The following ADGRA1 variants were observed in gnomAD, a reference collection of about 807,000 sequenced individuals.
The protein encoded by ADGRA1 is G-protein coupled receptor 123.
Under a neutral mutation model 21.3 loss-of-function variants are expected in ADGRA1, and 12 were observed. The observed-to-expected ratio is 0.56, with a 90% confidence interval of 0.36 to 0.91. The LOEUF (loss-of-function observed/expected upper bound fraction) is 0.91, where lower values mean the gene tolerates loss of function less well. Among genes scored for constraint, ADGRA1 ranks in the 40% least tolerant of loss-of-function variants. The pLI, the probability that ADGRA1 is intolerant of heterozygous loss-of-function variation, is 0.01. For synonymous variants in ADGRA1, 385 were observed against 368.8 expected, an observed-to-expected ratio of 1.04 and a Z score of -0.50; for missense variants, 790 against 805.6, an observed-to-expected ratio of 0.98 and a Z score of 0.23.
chr10:133,117,857 C>T (rs1174771178), intron 5 of ADGRA1, among the ~76,000 whole-genome samples: 1 of 152,228 alleles, frequency 6.6e-6, no homozygotes, highest in Non-Finnish European at 1.5e-5. Context: ...TCCCCTGTCA[C>T]CCTAGTTGCC....
chr10:133,131,084 G>C lies in ADGRA1; in HGVS notation c.*1573G>C, dbSNP rs1251865521. ...TCACCAGGAGCAGAGCCTCCCTAAC[G>C]TGCACCTCCGAGAAGAGGGGTGTCG... On this transcript the variant is annotated 3_prime_UTR_variant, in exon 7 of 7. Transcript: ENST00000392607. The C allele has an allele frequency of 6.6e-6, 1 of 152,184 alleles. No homozygotes were observed. The highest frequency in any genetic ancestry group is 2.1e-4 in the South Asian group (1 of 4,822). The allele number at this position is 152,184 out of a possible 1,614,324, so 9.4% of individuals were successfully genotyped here. A position where few individuals can be genotyped will look rare whatever the true frequency, so the allele number is the denominator to read the frequency against.
In ADGRA1 at chr10:133,127,243, G is replaced by A. The variant is rs930006726; in HGVS notation, c.412G>A (p.Val138Ile). The change falls in exon 6 of 7, where the codon GTC becomes ATC. Residue 138 changes from valine to isoleucine, a missense_variant. Val to Ile is a conservative substitution (Grantham distance 29). Transcript: ENST00000392607. ...PRQPLLRFYL[V>I]SGGVPFIICG... is the part of the protein sequence containing the mutation. ...CTTCCTCCCCGGCAGGTTTTACCTCGTCAGCGGAGGGGTCCCCTTTATCAT... is the reference window on the plus strand; with the variant it reads ...CTTCCTCCCCGGCAGGTTTTACCTCATCAGCGGAGGGGTCCCCTTTATCAT... 7 of 1,583,286 alleles carry A rather than the reference G, an allele frequency of 4.4e-6. No homozygotes were observed. The highest frequency in any genetic ancestry group is 3.5e-5 in the South Asian group (3 of 86,922).
At position 133,109,798 on chromosome 10, in the gene ADGRA1, G is replaced by A. The variant is rs141023265; in HGVS notation, c.401+6956G>A. 4.4e-3 allele frequency among the ~76,000 whole-genome samples: 669 copies of A among 152,316 alleles called. 3 individuals carry two copies. The highest frequency in any genetic ancestry group is 6.8e-3 in the Middle Eastern group (2 of 294). ...GGATGTAGTAAATATGTGTGAAATCGGCCTCCAGGCTCAGCTGGGCTGGAT... is the reference window on the plus strand; with the variant it reads ...GGATGTAGTAAATATGTGTGAAATCAGCCTCCAGGCTCAGCTGGGCTGGAT... On this transcript the variant is annotated intron_variant, in intron 5 of 6. Transcript: ENST00000392607.
chr10:133,101,984 C>T (rs966421237), intron 4 of ADGRA1, among the ~76,000 whole-genome samples: 10 of 152,220 alleles, frequency 6.6e-5, no homozygotes, highest in African/African-American at 1.7e-4. Flanking sequence ...CTTTATGCGG[C>T]GAATCTCTGT....
At chr10:133,093,696 G>A (rs1055757461) in intron 2 of ADGRA1, among the ~76,000 whole-genome samples, 9 of 152,206 alleles carry the variant, frequency 5.9e-5, no homozygotes, top group African/African-American at 1.7e-4. Context: ...CCTCGGAACC[G>A]TGTTCTTCAC....
rs765516881 is a variant in ADGRA1 at position 133,129,303 on chromosome 10, C to G, written c.1475C>G (p.Ala492Gly). The G allele has an allele frequency of 2.6e-6, 4 of 1,553,914 alleles. No individual in the cohort carries two copies. Among genetic ancestry groups the G allele is most frequent in the Non-Finnish European group, 3.5e-6 (4 of 1,149,780 alleles). The change falls in exon 7 of 7, where the codon GCC becomes GGC. Residue 492 changes from alanine (A) to glycine (G), a missense_variant. Coordinates refer to ENST00000392607, the MANE Select transcript of ADGRA1 (RefSeq NM_001083909.3). ...CCCGAGGGCAGTGATGGGAGCCCTG[C>G]CCTCTACAGCTGCCCCACGCAGCCG... ...TQPEGSDGSPALYSCPTQPGR... is the reference protein window; with the variant it reads ...TQPEGSDGSPGLYSCPTQPGR...
chr10:133,117,550 G>T (rs534918190), intron 5 of ADGRA1, among the ~76,000 whole-genome samples: 1 of 152,348 alleles, frequency 6.6e-6, no homozygotes, highest in African/African-American at 2.4e-5. Flanking sequence ...ACTAGCCCGG[G>T]CACCTGCTCA....
chr10:133,117,216 G>A (rs1229782378), intron 5 of ADGRA1, among the ~76,000 whole-genome samples: 4 of 152,218 alleles, frequency 2.6e-5, no homozygotes, highest in Non-Finnish European at 5.9e-5. Context: ...CCACCTGTCT[G>A]TGAGTGGACA....
In ADGRA1 at chr10:133,128,514, G is replaced by A; in HGVS notation, c.686G>A (p.Gly229Glu). Residue 229 changes from glycine (G) to glutamate (E), a missense_variant, in exon 7 of 7, where the codon GGG becomes GAG. Coordinates refer to ENST00000392607, the MANE Select transcript of ADGRA1 (RefSeq NM_001083909.3). ...CTGGCGACACCCGAGGGCGGCCGTG[G>A]GATCCGGCCAGGCACCCCACCCGCA... ...RRLATPEGGR[G>E]IRPGTPPAHD... The A allele has an allele frequency of 6.5e-7, 1 of 1,547,422 alleles. No individual in the cohort carries two copies. Among genetic ancestry groups the A allele is most frequent in the South Asian group, 1.2e-5 (1 of 84,722 alleles).
chr10:133,125,403 A>T (rs547375116), intron 5 of ADGRA1, among the ~76,000 whole-genome samples: 14 of 152,224 alleles, frequency 9.2e-5, no homozygotes, highest in East Asian at 3.9e-4. Context: ...TAATATTTTT[A>T]AAAAATTTGT....
chr10:133,096,509 G>A (rs982404420), intron 2 of ADGRA1, among the ~76,000 whole-genome samples: 7 of 152,182 alleles, frequency 4.6e-5, no homozygotes, highest in African/African-American at 1.4e-4. Flanking sequence ...GAATCCTCCC[G>A]GAAGATGTTG....
intron 2 of ADGRA1, chr10:133,095,673 C>T (rs1272972187): frequency 6.3e-7 from 1 of 1,596,816 alleles, no homozygotes; most frequent in South Asian, 1.1e-5. Context: ...CCACGGTGGA[C>T]ACTCTCTAGC....
chr10:133,127,831 A>AC (rs1852408308), intron 6 of ADGRA1, among the ~76,000 whole-genome samples: 1 of 45,892 alleles, frequency 2.2e-5, no homozygotes, highest in Non-Finnish European at 4.2e-5. Context: ...GGCCCCGCCC[A>AC]CCCAGCTCCA....
intron 5 of ADGRA1, among the ~76,000 whole-genome samples, chr10:133,118,944 GCA>G (rs1321247539): frequency 4.0e-5 from 6 of 151,604 alleles, no homozygotes; most frequent in South Asian, 4.2e-4. Flanking sequence ...GCACACATGT[GCA>G]CACACACTCA....
chr10:133,111,863 T>C, intron 5 of ADGRA1, among the ~76,000 whole-genome samples: 1 of 147,776 alleles, frequency 6.8e-6, no homozygotes, highest in Non-Finnish European at 1.5e-5. Flanking sequence ...ACCTCCCTCC[T>C]AATCCCTCCA....
At chr10:133,097,189 G>A in intron 3 of ADGRA1, 88 bp downstream of exon 3, 1 of 1,489,534 alleles carries the variant, frequency 6.7e-7, no homozygotes. Flanking sequence ...CAATGCCACT[G>A]CCCCCTCATG....
chr10:133,115,780 G>A (rs1403991902), intron 5 of ADGRA1, among the ~76,000 whole-genome samples: 1 of 152,086 alleles, frequency 6.6e-6, no homozygotes, highest in African/African-American at 2.4e-5. Context: ...CCTCAAGAGG[G>A]CCACGTTCCC....
chr10:133,115,644 C>T (rs1192395282), intron 5 of ADGRA1, among the ~76,000 whole-genome samples: 1 of 152,148 alleles, frequency 6.6e-6, no homozygotes, highest in Non-Finnish European at 1.5e-5. Flanking sequence ...CAGGACCCCG[C>T]CGGCACTGTG....
intron 5 of ADGRA1, among the ~76,000 whole-genome samples, chr10:133,121,942 TGA>T (rs79830151): frequency 2.2e-4 from 33 of 150,306 alleles, no homozygotes; most frequent in East Asian, 6.0e-4. Context: ...AGTGTGTGTG[TGA>T]GTGTGCTTGT....
Sources: gnomAD v4.1 joint callset for allele counts (sites outside exome capture counted in the v4.1 genomes callset) on GRCh38, gnomAD v4.1.1 for gene constraint, MANE v1.5 for transcripts, NCBI Gene and HGNC (gene_info 2026-07-23, HGNC 2026-07-21) for gene names.